Variants in NLGN1 observed in about 807,000 individuals in gnomAD.
NLGN1 encodes the protein neuroligin-1.
NLGN1 carries 12 observed loss-of-function variants against 65.5 expected under a neutral mutation model. That is an observed-to-expected ratio of 0.18 (90% CI 0.12 to 0.30). NLGN1 has a LOEUF of 0.30. Ranked by LOEUF, NLGN1 falls within the 10% of genes least tolerant of loss-of-function variation. The pLI is 1.00. For synonymous variants in NLGN1, 350 were observed against 359.5 expected, an observed-to-expected ratio of 0.97 and a Z score of 0.30; for missense variants, 750 against 1,007.1, an observed-to-expected ratio of 0.74 and a Z score of 3.46.
At chr3:174,124,633 G>A (rs947376266) in intron 4 of NLGN1, among the ~76,000 whole-genome samples, 5 of 119,842 alleles carry the variant, frequency 4.2e-5, no homozygotes, top group African/African-American at 1.2e-4. Flanking sequence ...ACACATATAC[G>A]TATATATATA....
At chr3:174,204,062 C>A (rs1051710787) in intron 4 of NLGN1, among the ~76,000 whole-genome samples, 1 of 152,118 alleles carries the variant, frequency 6.6e-6, no homozygotes, top group Non-Finnish European at 1.5e-5. Flanking sequence ...ACATAAGAGA[C>A]AACAGACTTG....
chr3:173,883,394 A>G (rs1222641379), intron 4 of NLGN1, among the ~76,000 whole-genome samples: 1 of 152,196 alleles, frequency 6.6e-6, no homozygotes, highest in African/African-American at 2.4e-5. Context: ...ACCTCAAAAC[A>G]ATTACAATAG....
At chr3:174,037,415 T>C (rs1467369159) in intron 4 of NLGN1, among the ~76,000 whole-genome samples, 1 of 152,180 alleles carries the variant, frequency 6.6e-6, no homozygotes, top group East Asian at 1.9e-4. Flanking sequence ...CACCTTACTG[T>C]CAAAGGGGCT....
At chr3:173,743,871 T>C (rs1476232647) in intron 3 of NLGN1, among the ~76,000 whole-genome samples, 1 of 152,146 alleles carries the variant, frequency 6.6e-6, no homozygotes, top group African/African-American at 2.4e-5. Context: ...ATTTCATTTA[T>C]TCTAAGTTTA....
At chr3:173,707,588 G>A (rs558091724) in intron 3 of NLGN1, among the ~76,000 whole-genome samples, 13 of 152,172 alleles carry the variant, frequency 8.5e-5, no homozygotes, top group Admixed American at 3.3e-4. Context: ...GTCTCCCAAC[G>A]TGTACCCAAT....
chr3:174,162,495 A>T (rs1019925342), intron 4 of NLGN1, among the ~76,000 whole-genome samples: 6 of 151,950 alleles, frequency 3.9e-5, no homozygotes, highest in African/African-American at 1.4e-4. Context: ...TAAAATCATT[A>T]TGTTTGTTCT....
intron 3 of NLGN1, among the ~76,000 whole-genome samples, chr3:173,785,801 G>A (rs1003020014): frequency 6.6e-6 from 1 of 151,934 alleles, no homozygotes. Flanking sequence ...GTTTCTTCCC[G>A]GCATTGTCTT....
intron 3 of NLGN1, among the ~76,000 whole-genome samples, chr3:173,704,664 G>T (rs1486363501): frequency 6.6e-6 from 1 of 152,114 alleles, no homozygotes; most frequent in Non-Finnish European, 1.5e-5. Context: ...CCTTCTTCAT[G>T]ACACAGAAAA....
intron 4 of NLGN1, among the ~76,000 whole-genome samples, chr3:174,122,063 T>G (rs1349616546): frequency 6.6e-6 from 1 of 152,202 alleles, no homozygotes; most frequent in Non-Finnish European, 1.5e-5. Context: ...TTCTGCTCTT[T>G]GAAATTCCTT....
intron 4 of NLGN1, among the ~76,000 whole-genome samples, chr3:173,914,677 C>T (rs1740378057): frequency 6.6e-6 from 1 of 151,954 alleles, no homozygotes; most frequent in African/African-American, 2.4e-5. Flanking sequence ...AGTGAAAGCC[C>T]CAAGGCACAG....
intron 4 of NLGN1, among the ~76,000 whole-genome samples, chr3:174,107,978 T>C (rs755937208): frequency 1.5e-4 from 23 of 152,150 alleles, no homozygotes; most frequent in Non-Finnish European, 2.9e-4. Flanking sequence ...TCTAATTGAA[T>C]CATTTGCTTC....
At chr3:173,991,676 A>G (rs1579617848) in intron 4 of NLGN1, among the ~76,000 whole-genome samples, 3 of 152,208 alleles carry the variant, frequency 2.0e-5, no homozygotes, top group Admixed American at 2.0e-4. Context: ...GAGAAAGAAT[A>G]CTTCTTCTTT....
chr3:174,026,432 A>AT (rs1483692925), intron 4 of NLGN1, among the ~76,000 whole-genome samples: 6 of 152,150 alleles, frequency 3.9e-5, no homozygotes, highest in Admixed American at 3.9e-4. Context: ...GGCCTACATG[A>AT]TTTTTTTAAA....
At position 173,456,476 on chromosome 3, in the gene NLGN1, T is replaced by C. The variant is rs1577580121; in HGVS notation, c.-321+21398T>C. Among the ~76,000 whole-genome samples, 3 of 152,194 alleles carry C rather than the reference T, an allele frequency of 2.0e-5. No individual in the cohort carries two copies. In the South Asian group the frequency reaches 6.2e-4, roughly 32 times the overall value. On this transcript the variant is annotated intron_variant, in intron 2 of 6. Transcript: ENST00000457714. ...TCATTAGTAAAGTTAGCCTTGTCAG[T>C]ATTTACATATTAGTGTTAATATGAA...
At chr3:174,096,531 G>A (rs967994733) in intron 4 of NLGN1, among the ~76,000 whole-genome samples, 3 of 152,000 alleles carry the variant, frequency 2.0e-5, no homozygotes, top group African/African-American at 7.2e-5. Flanking sequence ...TAGATAGAAG[G>A]TCGGTTTGAA....
chr3:174,057,237 C>G (rs1580050721), intron 4 of NLGN1, among the ~76,000 whole-genome samples: 1 of 152,136 alleles, frequency 6.6e-6, no homozygotes, highest in East Asian at 1.9e-4. Flanking sequence ...AATTTAGAGG[C>G]ATCCATGTGA....
intron 3 of NLGN1, among the ~76,000 whole-genome samples, chr3:173,768,103 A>G (rs1779033515): frequency 1.3e-5 from 2 of 152,150 alleles, no homozygotes; most frequent in Admixed American, 1.3e-4. Context: ...TTCATGAAAT[A>G]CTTAGATAAT....
intron 4 of NLGN1, among the ~76,000 whole-genome samples, chr3:174,153,449 T>C (rs1561170935): frequency 1.3e-5 from 2 of 152,024 alleles, no homozygotes; most frequent in African/African-American, 4.8e-5. Context: ...ACAGAGAAAA[T>C]TGCAGTGAAT....
chr3:174,103,791 C>T (rs1713105761), intron 4 of NLGN1, among the ~76,000 whole-genome samples: 1 of 152,002 alleles, frequency 6.6e-6, no homozygotes, highest in South Asian at 2.1e-4. Context: ...ATACATTTAC[C>T]TGTTAAATTT....
Sources: allele counts gnomAD v4.1 joint callset (sites outside exome capture counted in the v4.1 genomes callset), GRCh38; gene constraint gnomAD v4.1.1; transcripts MANE v1.5; gene names NCBI Gene and HGNC (gene_info 2026-07-23, HGNC 2026-07-21).